KCNMB2: variants seen among roughly 807,000 people sequenced by gnomAD.
KCNMB2 encodes the protein potassium calcium-activated channel subfamily M regulatory beta subunit 2.
Under a neutral mutation model 24.5 loss-of-function variants are expected in KCNMB2, and 9 were observed. The ratio of observed to expected loss-of-function variants is 0.37; its 90% CI spans 0.22 to 0.64. The LOEUF (loss-of-function observed/expected upper bound fraction) is 0.64, where lower values mean the gene tolerates loss of function less well. KCNMB2 is among the 30% of genes least tolerant of loss of function. KCNMB2 has a pLI of 0.63. For missense variants in KCNMB2, 226 were observed against 284.3 expected, an observed-to-expected ratio of 0.79 and a Z score of 1.47; for synonymous variants, 109 against 104.4, an observed-to-expected ratio of 1.04 and a Z score of -0.27.
At chr3:178,727,379 G>A (rs1468953014) in intron 1 of KCNMB2, among the ~76,000 whole-genome samples, 1 of 152,148 alleles carries the variant, frequency 6.6e-6, no homozygotes, top group Non-Finnish European at 1.5e-5. Context: ...GTGGTAGGCA[G>A]AGTAGTAGAC....
rs1477590244 is a variant in KCNMB2, at chr3:178,807,382, A to G, written c.-28A>G. On this transcript the variant is annotated 5_prime_UTR_variant, in exon 2 of 5. Transcript: ENST00000452583. ...CCTCCAGGACATCCACCATAAGGAA[A>G]GGAGACCCTGGACCAACATTCTCTA... 4.4e-6 allele frequency: 7 copies of G among 1,605,726 alleles called. No homozygotes were observed. Among genetic ancestry groups the G allele is most frequent in the Non-Finnish European group, 5.1e-6 (6 of 1,173,156 alleles).
intron 1 of KCNMB2, among the ~76,000 whole-genome samples, chr3:178,746,473 C>T (rs1449352082): frequency 6.6e-6 from 1 of 152,112 alleles, no homozygotes; most frequent in Non-Finnish European, 1.5e-5. Flanking sequence ...CTTAGACATG[C>T]CCTGGAGACA....
chr3:178,758,587 C>A (rs1425446688), intron 1 of KCNMB2, among the ~76,000 whole-genome samples: 4 of 14,208 alleles, frequency 2.8e-4, no homozygotes, highest in Admixed American at 8.1e-4. Context: ...TATATATATC[C>A]AAGAGGAGAT....
rs571297807 is a variant in KCNMB2, at chr3:178,689,961, A to AATTGACATTTTATGCAAATTTAG, written c.-67-117377_-67-117355dup. On this transcript the variant is annotated intron_variant, in intron 1 of 4. Coordinates refer to ENST00000452583, the MANE Select transcript of KCNMB2 (RefSeq NM_181361.3). The stretch of plus-strand genomic sequence containing the variant: ...GGAGAGAGACCTTAAAGTGTAGTGT[A>AATTGACATTTTATGCAAATTTAG]ATTGACATTTTATGCAAATTTAGAT... 2.7e-3 allele frequency among the ~76,000 whole-genome samples: 409 copies of AATTGACATTTTATGCAAATTTAG among 152,282 alleles called. 2 individuals are homozygous for AATTGACATTTTATGCAAATTTAG. Among genetic ancestry groups the AATTGACATTTTATGCAAATTTAG allele is most frequent in the Non-Finnish European group, 4.9e-3 (330 of 68,034 alleles).
intron 1 of KCNMB2, among the ~76,000 whole-genome samples, chr3:178,558,481 C>T (rs1193605741): frequency 6.6e-6 from 1 of 152,196 alleles, no homozygotes; most frequent in African/African-American, 2.4e-5. Context: ...TAAGCTAGAA[C>T]ACTTCTTTCA....
chr3:178,706,894 C>A (rs1722295117), intron 1 of KCNMB2, among the ~76,000 whole-genome samples: 1 of 152,124 alleles, frequency 6.6e-6, no homozygotes, highest in South Asian at 2.1e-4. Context: ...AGAAAGAATA[C>A]AAATACCTAA....
intron 1 of KCNMB2, among the ~76,000 whole-genome samples, chr3:178,596,167 C>A (rs1717863674): frequency 6.6e-6 from 1 of 152,112 alleles, no homozygotes; most frequent in Admixed American, 6.6e-5. Context: ...CCCTTAGACG[C>A]CTTCCTTTTG....
In KCNMB2 at chr3:178,783,262, C is replaced by T. The variant is rs1172210930; in HGVS notation, c.-67-24081C>T. Among the ~76,000 whole-genome samples the T allele has an allele frequency of 6.6e-5, 10 of 151,474 alleles. No homozygotes were observed. In the East Asian group the frequency reaches 7.8e-4, roughly 12 times the overall value. ...CTTTGTTCTTTTGGCTTAGGATTGA[C>T]TTGGCAATGCGGGCTCTTTTTTGGT... On this transcript the variant is annotated intron_variant, in intron 1 of 4. Transcript: ENST00000452583.
chr3:178,679,579 G>T (rs1481264928), intron 1 of KCNMB2, among the ~76,000 whole-genome samples: 1 of 152,138 alleles, frequency 6.6e-6, no homozygotes, highest in Non-Finnish European at 1.5e-5. Flanking sequence ...TGCTGATTTA[G>T]ATCTGCAAAA....
chr3:178,668,411 C>A (rs961984587), intron 1 of KCNMB2, among the ~76,000 whole-genome samples: 1 of 151,944 alleles, frequency 6.6e-6, no homozygotes, highest in Non-Finnish European at 1.5e-5. Context: ...GCTTTTTCTG[C>A]GATATTGAGG....
chr3:178,621,593 T>C (rs1718923119), intron 1 of KCNMB2, among the ~76,000 whole-genome samples: 1 of 152,184 alleles, frequency 6.6e-6, no homozygotes. Context: ...TTTCCTGTTT[T>C]ACTCCCTCGC....
rs117950538 is a variant in KCNMB2 at position 178,688,677 on chromosome 3, A to C, written c.-67-118666A>C. Reference sequence around the variant, plus strand: ...AAAAAGAAAACCCTAAAGATAGACTATCTAGTGTTTGCTTTTTTTTTAACC... The same window carrying C: ...AAAAAGAAAACCCTAAAGATAGACTCTCTAGTGTTTGCTTTTTTTTTAACC... On this transcript the variant is annotated intron_variant, in intron 1 of 4. Coordinates refer to ENST00000452583, the MANE Select transcript of KCNMB2 (RefSeq NM_181361.3). 9.8e-4 allele frequency among the ~76,000 whole-genome samples: 149 copies of C among 152,258 alleles called. 1 individual carries two copies. The East Asian group carries it at 0.028, about 29-fold the overall frequency.
Position 178,655,598 on chromosome 3 carries a change from G to A in KCNMB2, c.-68+118887G>A, listed in dbSNP as rs112589394. ...TTTCTAAAGAATATTCTCCAAAAACGACAAAACAAAACGGAGAGAAAATGC... is the reference window on the plus strand; with the variant it reads ...TTTCTAAAGAATATTCTCCAAAAACAACAAAACAAAACGGAGAGAAAATGC... On this transcript the variant is annotated intron_variant, in intron 1 of 4. Coordinates refer to ENST00000452583, the MANE Select transcript of KCNMB2 (RefSeq NM_181361.3). Among the ~76,000 whole-genome samples, 157 of 152,200 alleles carry A rather than the reference G, an allele frequency of 1.0e-3. 1 individual carries two copies. Among genetic ancestry groups the A allele is most frequent in the African/African-American group, 3.0e-3 (125 of 41,520 alleles).
At chr3:178,787,041 G>A (rs1713133802) in intron 1 of KCNMB2, among the ~76,000 whole-genome samples, 1 of 152,060 alleles carries the variant, frequency 6.6e-6, no homozygotes, top group Non-Finnish European at 1.5e-5. Context: ...GAGACCACGA[G>A]GCAAAACGAC....
chr3:178,766,701 T>C (rs745552294), intron 1 of KCNMB2, among the ~76,000 whole-genome samples: 15 of 152,348 alleles, frequency 9.8e-5, no homozygotes, highest in East Asian at 7.7e-4. Context: ...TAAATATGCA[T>C]AGAATTATTC....
Position 178,536,579 on chromosome 3 carries a change from A to G in KCNMB2, c.-200A>G, listed in dbSNP as rs1178568396. ...AAGCTATGAGTTAGAAAGGGTTGTG[A>G]CATTAATGGTCCACAAAGGCTTTAG... On this transcript the variant is annotated 5_prime_UTR_variant, in exon 1 of 5. Transcript: ENST00000452583. 6.6e-6 allele frequency: 1 copy of G among 152,206 alleles called. No homozygotes were observed. Among genetic ancestry groups the G allele is most frequent in the Non-Finnish European group, 1.5e-5 (1 of 68,040 alleles). The allele number at this position is 152,206 out of a possible 1,614,324, so 9.4% of individuals were successfully genotyped here.
At chr3:178,751,523 G>A (rs938975809) in intron 1 of KCNMB2, among the ~76,000 whole-genome samples, 76 of 128,672 alleles carry the variant, frequency 5.9e-4, no homozygotes, top group African/African-American at 1.9e-3. Flanking sequence ...GCAGTGAGCC[G>A]AGATCATGCC....
chr3:178,801,893 C>A (rs955485134), intron 1 of KCNMB2: 2 of 152,144 alleles, frequency 1.3e-5, no homozygotes, highest in Non-Finnish European at 2.9e-5. Flanking sequence ...TCCTTAGAAG[C>A]AGGTCTGAAT....
intron 1 of KCNMB2, among the ~76,000 whole-genome samples, chr3:178,779,016 G>A (rs1289915531): frequency 6.6e-6 from 1 of 152,140 alleles, no homozygotes; most frequent in Non-Finnish European, 1.5e-5. Flanking sequence ...GATGAAGAAA[G>A]CACCATCTCG....
Sources: gnomAD v4.1 joint callset for allele counts (sites outside exome capture counted in the v4.1 genomes callset) on GRCh38, gnomAD v4.1.1 for gene constraint, MANE v1.5 for transcripts, NCBI Gene and HGNC (gene_info 2026-07-23, HGNC 2026-07-21) for gene names.